Variants in KSR2 observed in about 807,000 individuals in gnomAD.
KSR2 encodes kinase suppressor of ras 2.
KSR2 carries 25 observed loss-of-function variants against 107.8 expected under a neutral mutation model. The observed-to-expected ratio is 0.23, with a 90% CI of 0.17 to 0.32. KSR2 has a LOEUF of 0.32. Among genes scored for constraint, KSR2 ranks in the 10% least tolerant of loss-of-function variants. The probability of loss-of-function intolerance (pLI) is 1.00; values close to 1 mark genes in which losing one functional copy is unlikely to be tolerated. For synonymous variants in KSR2, 480 were observed against 507.0 expected (o/e 0.95, Z 0.71); for missense variants, 887 against 1,268.9 (o/e 0.70, Z 4.57).
intron 3 of KSR2, among the ~76,000 whole-genome samples, chr12:117,767,298 G>A (rs1256169749): frequency 1.3e-5 from 2 of 151,304 alleles, no homozygotes; most frequent in South Asian, 2.1e-4. Flanking sequence ...GGTGGCGGGC[G>A]CGTGTAGTCC....
intron 1 of KSR2, among the ~76,000 whole-genome samples, chr12:117,965,816 T>G (rs1896769263): frequency 6.6e-6 from 1 of 152,210 alleles, no homozygotes; most frequent in Non-Finnish European, 1.5e-5. Flanking sequence ...AATCTGCATT[T>G]TAACAAGCAC....
chr12:117,525,659 T>A (rs758225314), intron 13 of KSR2, among the ~76,000 whole-genome samples: 5 of 152,204 alleles, frequency 3.3e-5, no homozygotes, highest in Non-Finnish European at 7.3e-5. Flanking sequence ...CATAGTCTTT[T>A]GGTTTGGCTG....
At chr12:117,595,411 G>A (rs1388539459) in intron 5 of KSR2, among the ~76,000 whole-genome samples, 1 of 130,192 alleles carries the variant, frequency 7.7e-6, no homozygotes, top group Non-Finnish European at 1.5e-5. Context: ...AGGCCGGACT[G>A]CGGACTGCAG....
intron 9 of KSR2, among the ~76,000 whole-genome samples, chr12:117,548,155 T>G (rs774825371): frequency 1.3e-5 from 2 of 152,124 alleles, no homozygotes; most frequent in Non-Finnish European, 1.5e-5. Context: ...CTAGCTGGTC[T>G]GCCTCCTTCT....
At chr12:117,502,389 AGAAAGCACTCTG>A (rs1315497106) in intron 14 of KSR2, among the ~76,000 whole-genome samples, 1 of 152,190 alleles carries the variant, frequency 6.6e-6, no homozygotes, top group African/African-American at 2.4e-5. Flanking sequence ...CTCATCCCTC[AGAAAGCACTCTG>A]GGTCTGCATT....
rs1870615369 is a variant in KSR2 at position 117,456,309 on chromosome 12, G to C, written c.*10890C>G. On this transcript the variant is annotated 3_prime_UTR_variant, in exon 20 of 20. Coordinates refer to ENST00000339824, the MANE Select transcript of KSR2 (RefSeq NM_173598.6). The stretch of plus-strand genomic sequence containing the variant: ...TAGAAGGCTGGCTAGGAGGGAAAGG[G>C]GGCCGGGGCAGGGGGCCTCGGTGTG... 1 of 152,378 alleles carries C rather than the reference G, an allele frequency of 6.6e-6. No homozygotes were observed. The highest frequency in any genetic ancestry group is 1.5e-5 in the Non-Finnish European group (1 of 68,178). 9.4% of individuals were successfully genotyped at this position (152,378 alleles called of 1,614,324 possible).
chr12:117,958,013 A>C (rs1593405048), intron 1 of KSR2, among the ~76,000 whole-genome samples: 1 of 151,986 alleles, frequency 6.6e-6, no homozygotes, highest in Non-Finnish European at 1.5e-5. Context: ...TTGTATTTTT[A>C]GTAGAGACGG....
intron 4 of KSR2, among the ~76,000 whole-genome samples, chr12:117,730,985 G>A (rs1381797665): frequency 6.6e-6 from 1 of 151,312 alleles, no homozygotes; most frequent in Non-Finnish European, 1.5e-5. Flanking sequence ...TGGGATGTGA[G>A]GAGCCCCTCT....
chr12:117,668,816 A>G (rs938104084), intron 4 of KSR2, among the ~76,000 whole-genome samples: 2 of 152,164 alleles, frequency 1.3e-5, no homozygotes, highest in African/African-American at 4.8e-5. Flanking sequence ...AAGCTTCAGG[A>G]AAGTTTGGTT....
chr12:117,643,049 G>C (rs1883452687), intron 5 of KSR2, among the ~76,000 whole-genome samples: 1 of 152,222 alleles, frequency 6.6e-6, no homozygotes, highest in African/African-American at 2.4e-5. Flanking sequence ...TGCCAATCTA[G>C]AGAAATGGTT....
intron 5 of KSR2, among the ~76,000 whole-genome samples, chr12:117,634,718 T>C (rs1296250903): frequency 6.6e-6 from 1 of 152,178 alleles, no homozygotes; most frequent in African/African-American, 2.4e-5. Flanking sequence ...ACTCCAGAGA[T>C]GACTGGCCTG....
intron 9 of KSR2, among the ~76,000 whole-genome samples, chr12:117,543,309 G>A (rs1876634350): frequency 6.6e-6 from 1 of 152,100 alleles, no homozygotes; most frequent in African/African-American, 2.4e-5. Context: ...TGTTATTTTA[G>A]CCTTTCTAAT....
chr12:117,618,878 T>C (rs1251974087), intron 5 of KSR2, among the ~76,000 whole-genome samples: 1 of 152,164 alleles, frequency 6.6e-6, no homozygotes, highest in African/African-American at 2.4e-5. Context: ...AACGGACTAA[T>C]ACGTGGCCAC....
At position 117,537,044 on chromosome 12, in the gene KSR2, C is replaced by T. The variant is rs541935492; in HGVS notation, c.1687+2675G>A. ...CCTCACCAATATGGTGAAACCCTGT[C>T]TCTACTAAAAATACAAATATTAGCT... is the stretch of plus-strand genomic sequence containing the variant. On this transcript the variant is annotated intron_variant, in intron 10 of 19. Coordinates refer to ENST00000339824, the MANE Select transcript of KSR2 (RefSeq NM_173598.6). Among the ~76,000 whole-genome samples the T allele has an allele frequency of 2.6e-5, 4 of 152,304 alleles. No homozygotes were observed. The South Asian group carries it at 8.3e-4, about 32-fold the overall frequency.
chr12:117,736,890 T>C (rs1457330464), intron 4 of KSR2, among the ~76,000 whole-genome samples: 2 of 151,880 alleles, frequency 1.3e-5, no homozygotes, highest in East Asian at 3.9e-4. Context: ...GCAATTGCGA[T>C]GAGCTTATTC....
At chr12:117,716,951 C>T (rs1400184490) in intron 4 of KSR2, among the ~76,000 whole-genome samples, 1 of 152,186 alleles carries the variant, frequency 6.6e-6, no homozygotes, top group Admixed American at 6.5e-5. Context: ...TGGATATGAC[C>T]CAACTTCCTC....
intron 5 of KSR2, 143 bp from the exon 6 acceptor site, chr12:117,582,502 A>T (rs1183212932): frequency 1.5e-6 from 1 of 671,220 alleles, no homozygotes; most frequent in Non-Finnish European, 2.7e-6. Flanking sequence ...GCCAAGTGGA[A>T]CACTGGTTTA....
chr12:117,966,823 G>A (rs1044720335), intron 1 of KSR2, among the ~76,000 whole-genome samples: 11 of 152,016 alleles, frequency 7.2e-5, no homozygotes, highest in African/African-American at 2.7e-4. Context: ...GGCTACAACA[G>A]GGGCAGGAGG....
Position 117,485,691 on chromosome 12 carries a change from G to A in KSR2, c.2220C>T (p.Ser740=). Residue 740 remains serine (S), a splice_region_variant and synonymous_variant, in exon 15 of 20, where the codon AGC becomes AGT. Transcript: ENST00000339824. The part of the protein sequence containing the change: ...MSPPHLAIIT[S]LCKGRTLYSV... ...AATAGAGCGTCCGTCCCTTACAGAGGCTGAAAAGCAAAAGGACAAGATAAA... is the reference window on the plus strand; with the variant it reads ...AATAGAGCGTCCGTCCCTTACAGAGACTGAAAAGCAAAAGGACAAGATAAA... The A allele has an allele frequency of 6.2e-7, 1 of 1,609,740 alleles. No individual in the cohort carries two copies. The highest frequency in any genetic ancestry group is 8.5e-7 in the Non-Finnish European group (1 of 1,176,336).
Sources: allele counts gnomAD v4.1 joint callset (sites outside exome capture counted in the v4.1 genomes callset), GRCh38; gene constraint gnomAD v4.1.1; transcripts MANE v1.5; gene names NCBI Gene and HGNC (gene_info 2026-07-23, HGNC 2026-07-21).